The following TBC1D2B variants were observed in gnomAD, a reference collection of about 807,000 sequenced individuals.
TBC1D2B encodes the protein TBC1 domain family, member 2B.
In TBC1D2B, 64 loss-of-function variants were observed where a neutral mutation model predicts 100.8. The observed-to-expected ratio is 0.64, with a 90% CI of 0.52 to 0.78. TBC1D2B has a LOEUF of 0.78. Among genes scored for constraint, TBC1D2B ranks in the 30% least tolerant of loss-of-function variants. The pLI, the probability that TBC1D2B is intolerant of heterozygous loss-of-function variation, is 0.00. For synonymous variants in TBC1D2B, 480 were observed against 479.7 expected, an observed-to-expected ratio of 1.00 and a Z score of -0.01; for missense variants, 1,052 against 1,218.4, an observed-to-expected ratio of 0.86 and a Z score of 2.03.
chr15:78,054,389 A>C (rs1314755997), intron 1 of TBC1D2B, among the ~76,000 whole-genome samples: 3 of 152,256 alleles, frequency 2.0e-5, no homozygotes, highest in Admixed American at 2.0e-4. Context: ...TGAAGAACTG[A>C]ACCCAATTAA....
At chr15:78,035,992 G>C (rs2072936362) in intron 3 of TBC1D2B, among the ~76,000 whole-genome samples, 1 of 152,194 alleles carries the variant, frequency 6.6e-6, no homozygotes, top group South Asian at 2.1e-4. Flanking sequence ...GCACAGCTTT[G>C]GTGCAAGTGG....
chr15:78,005,879 G>C (rs1041368727), intron 10 of TBC1D2B, among the ~76,000 whole-genome samples: 4 of 152,168 alleles, frequency 2.6e-5, no homozygotes, highest in Non-Finnish European at 4.4e-5. Context: ...ACAATGTGAT[G>C]CAAATTTTAT....
At chr15:78,033,112 T>C (rs1367525704) in intron 3 of TBC1D2B, among the ~76,000 whole-genome samples, 6 of 152,190 alleles carry the variant, frequency 3.9e-5, no homozygotes, top group Non-Finnish European at 8.8e-5. Flanking sequence ...TAACCCTAAT[T>C]TGCAAAAGAA....
intron 1 of TBC1D2B, among the ~76,000 whole-genome samples, chr15:78,054,462 G>A (rs531930327): frequency 5.9e-5 from 9 of 152,274 alleles, no homozygotes; most frequent in Non-Finnish European, 1.0e-4. Context: ...CCTCAAAACC[G>A]TTTAGGAAGA....
chr15:78,038,316 G>A (rs2072996860), intron 3 of TBC1D2B, among the ~76,000 whole-genome samples: 1 of 152,220 alleles, frequency 6.6e-6, no homozygotes, highest in Admixed American at 6.5e-5. Flanking sequence ...GGCTATGAAG[G>A]AGAAGCACGG....
At chr15:78,034,534 G>A in intron 3 of TBC1D2B, 1 of 985,432 alleles carries the variant, frequency 1.0e-6, no homozygotes, top group Non-Finnish European at 1.2e-6. Context: ...GTGAATGCAG[G>A]AAAGAGAAAT....
intron 3 of TBC1D2B, among the ~76,000 whole-genome samples, chr15:78,040,248 T>C (rs547711894): frequency 2.0e-5 from 3 of 152,314 alleles, no homozygotes; most frequent in South Asian, 4.1e-4. Context: ...ATTTGGACTG[T>C]TGAAAAGTTA....
At chr15:78,057,647 GA>G (rs931742283) in intron 1 of TBC1D2B, among the ~76,000 whole-genome samples, 32 of 146,520 alleles carry the variant, frequency 2.2e-4, no homozygotes, top group Non-Finnish European at 3.0e-4. Flanking sequence ...CTGTCTCAAA[GA>G]AAAAAAAAAA....
At chr15:78,076,574 C>T (rs1029389882) in intron 1 of TBC1D2B, among the ~76,000 whole-genome samples, 1 of 138,552 alleles carries the variant, frequency 7.2e-6, no homozygotes, top group Non-Finnish European at 1.6e-5. Flanking sequence ...GTGAGACCCC[C>T]GTTTCTTTAA....
intron 1 of TBC1D2B, among the ~76,000 whole-genome samples, chr15:78,062,279 A>G (rs141403032): frequency 3.3e-5 from 5 of 152,374 alleles, no homozygotes; most frequent in African/African-American, 1.2e-4. Context: ...CAAAGAAAAT[A>G]TGTGTCTAAA....
At chr15:78,064,752 A>T (rs959297690) in intron 1 of TBC1D2B, among the ~76,000 whole-genome samples, 1 of 31,204 alleles carries the variant, frequency 3.2e-5, no homozygotes, top group Non-Finnish European at 1.5e-4. Context: ...CCCAGCACCA[A>T]TGGAAAAAAA....
At chr15:78,074,442 C>T (rs1408975079) in intron 1 of TBC1D2B, among the ~76,000 whole-genome samples, 1 of 152,176 alleles carries the variant, frequency 6.6e-6, no homozygotes, top group Non-Finnish European at 1.5e-5. Context: ...AATATTCCTC[C>T]ATTGTCAGTA....
At chr15:78,015,951 G>A (rs1457605078) in intron 8 of TBC1D2B, among the ~76,000 whole-genome samples, 1 of 152,198 alleles carries the variant, frequency 6.6e-6, no homozygotes, top group East Asian at 1.9e-4. Context: ...TGGGGCAGGA[G>A]AAGCAAGGAG....
chr15:78,018,351 T>C (rs1014661775), intron 6 of TBC1D2B, among the ~76,000 whole-genome samples: 5 of 152,138 alleles, frequency 3.3e-5, no homozygotes, highest in Non-Finnish European at 7.4e-5. Context: ...AAACTGAACA[T>C]ATTTTCTGAA....
At chr15:78,076,732 C>G (rs538953964) in intron 1 of TBC1D2B, among the ~76,000 whole-genome samples, 1 of 152,198 alleles carries the variant, frequency 6.6e-6, no homozygotes, top group Admixed American at 6.5e-5. Context: ...GCCTGGACAA[C>G]AGAACAAGAT....
intron 4 of TBC1D2B, among the ~76,000 whole-genome samples, chr15:78,028,007 G>C (rs2072715479): frequency 6.6e-6 from 1 of 152,152 alleles, no homozygotes; most frequent in African/African-American, 2.4e-5. Flanking sequence ...CCTTTTCCAG[G>C]AGACAGAAAA....
intron 1 of TBC1D2B, among the ~76,000 whole-genome samples, chr15:78,060,746 G>A (rs1186740708): frequency 6.6e-6 from 1 of 151,886 alleles, no homozygotes; most frequent in East Asian, 1.9e-4. Context: ...GTGAAACCTC[G>A]TCTCTATTAA....
chr15:78,005,090 C>CT (rs1255642965), intron 10 of TBC1D2B, among the ~76,000 whole-genome samples: 2 of 152,188 alleles, frequency 1.3e-5, no homozygotes, highest in African/African-American at 4.8e-5. Flanking sequence ...TCAGCTGGCC[C>CT]TGACATGGGA....
chr15:78,017,032 C>T (rs2072394888), intron 7 of TBC1D2B: 2 of 276,364 alleles, frequency 7.2e-6, no homozygotes, highest in Non-Finnish European at 1.4e-5. Context: ...AACCAGGCTA[C>T]ATGCCAATTA....
Sources: allele counts gnomAD v4.1 joint callset (sites outside exome capture counted in the v4.1 genomes callset), GRCh38; gene constraint gnomAD v4.1.1; transcripts MANE v1.5; gene names NCBI Gene and HGNC (gene_info 2026-07-23, HGNC 2026-07-21).